The following CLEC19A variants were observed in gnomAD, a reference collection of about 807,000 sequenced individuals.
CLEC19A encodes the protein C-type lectin domain containing 19A.
Under a neutral mutation model 26.1 loss-of-function variants are expected in CLEC19A, and 21 were observed. The ratio of observed to expected loss-of-function variants is 0.80; its 90% CI spans 0.57 to 1.16. CLEC19A has a LOEUF of 1.16. Ranked by LOEUF, CLEC19A falls within the 50% of genes most tolerant of loss-of-function variation. The pLI, the probability that CLEC19A is intolerant of heterozygous loss-of-function variation, is 0.00. For missense variants in CLEC19A, 224 were observed against 227.6 expected (o/e 0.98, Z 0.10); for synonymous variants, 89 against 88.6 (o/e 1.00, Z -0.03).
chr16:19,300,241 T>C (rs1449417876), intron 2 of CLEC19A, among the ~76,000 whole-genome samples: 1 of 150,470 alleles, frequency 6.6e-6, no homozygotes, highest in Non-Finnish European at 1.5e-5. Flanking sequence ...AATAAATAAA[T>C]AAATAAATAA....
At position 19,303,041 on chromosome 16, in the gene CLEC19A, G is replaced by T. The variant is rs534171772; in HGVS notation, c.255-1021G>T. Reference sequence around the variant, plus strand: ...GGGAAAATAAAATTTGGCTTTTCTGGGTCATAATGAAGGCAATGGGGTAAG... The same window carrying T: ...GGGAAAATAAAATTTGGCTTTTCTGTGTCATAATGAAGGCAATGGGGTAAG... On this transcript the variant is annotated intron_variant, in intron 2 of 4. Coordinates refer to ENST00000636231, the MANE Select transcript of CLEC19A (RefSeq NM_001256720.2). Among the ~76,000 whole-genome samples the T allele has an allele frequency of 3.3e-5, 5 of 152,222 alleles. No homozygotes were observed. In the East Asian group the frequency reaches 9.6e-4, roughly 29 times the overall value.
chr16:19,293,597 G>T (rs1393122700), intron 1 of CLEC19A, among the ~76,000 whole-genome samples: 1 of 151,910 alleles, frequency 6.6e-6, no homozygotes, highest in African/African-American at 2.4e-5. Flanking sequence ...CAAGTAGCTG[G>T]GACTACAAGC....
At chr16:19,293,421 C>T (rs1897632415) in intron 1 of CLEC19A, among the ~76,000 whole-genome samples, 1 of 151,882 alleles carries the variant, frequency 6.6e-6, no homozygotes, top group Admixed American at 6.6e-5. Flanking sequence ...TATACAGGAA[C>T]TCTCTCCACA....
At chr16:19,297,266 G>A (rs141626051) in intron 1 of CLEC19A, among the ~76,000 whole-genome samples, 1 of 152,350 alleles carries the variant, frequency 6.6e-6, no homozygotes, top group African/African-American at 2.4e-5. Flanking sequence ...CAATAAACAT[G>A]TGGGAAAATG....
rs1171248968 is a variant in CLEC19A, at chr16:19,301,736, G to GTTTTTTTTTTTTTTTTTTTTTTTTTTTT, written c.255-2325_255-2298dup. Among the ~76,000 whole-genome samples, 9 of 81,490 alleles carry GTTTTTTTTTTTTTTTTTTTTTTTTTTTT rather than the reference G, an allele frequency of 1.1e-4. 1 individual carries two copies. Among genetic ancestry groups the GTTTTTTTTTTTTTTTTTTTTTTTTTTTT allele is most frequent in the African/African-American group, 3.3e-4 (7 of 20,924 alleles). 53.5% of individuals were successfully genotyped at this position (81,490 alleles called of 152,430 possible). A position where few individuals can be genotyped will look rare whatever the true frequency, so the allele number is the denominator to read the frequency against. On this transcript the variant is annotated intron_variant, in intron 2 of 4. Coordinates refer to ENST00000636231, the MANE Select transcript of CLEC19A (RefSeq NM_001256720.2). The stretch of plus-strand genomic sequence containing the variant: ...ATGACACCATGCCCAGGTTTTTTTG[G>GTTTTTTTTTTTTTTTTTTTTTTTTTTTT]TTTTTTTTTTTTTTTTTTTTTTTTT...
At chr16:19,302,692 C>T (rs560407151) in intron 2 of CLEC19A, among the ~76,000 whole-genome samples, 7 of 152,240 alleles carry the variant, frequency 4.6e-5, no homozygotes, top group Middle Eastern at 3.4e-3. Flanking sequence ...GAGGTGTGCC[C>T]ACCATTTGTC....
chr16:19,292,975 A>G (rs1897621437), intron 1 of CLEC19A, among the ~76,000 whole-genome samples: 1 of 152,194 alleles, frequency 6.6e-6, no homozygotes, highest in Admixed American at 6.5e-5. Context: ...GAGGTGAGAC[A>G]AAGCAGGAAG....
intron 1 of CLEC19A, among the ~76,000 whole-genome samples, chr16:19,289,002 T>C (rs1316892803): frequency 1.3e-5 from 2 of 152,174 alleles, no homozygotes; most frequent in Non-Finnish European, 1.5e-5. Context: ...TACTAGAGTC[T>C]CTACCTCTGA....
intron 4 of CLEC19A, 57 bp downstream of exon 4, chr16:19,307,734 G>C (rs1485047188): frequency 1.3e-6 from 2 of 1,540,980 alleles, no homozygotes; most frequent in African/African-American, 2.7e-5. Context: ...GTCACAGGTG[G>C]GGAGAGCGGA....
Position 19,293,354 on chromosome 16 carries a change from C to T in CLEC19A, c.89-5319C>T, listed in dbSNP as rs149418789. ...TGGAGTTTAGGTAATCATGTTGTAG[C>T]CATGTTCATTTCTTAGCTTTTTAAT... On this transcript the variant is annotated intron_variant, in intron 1 of 4. Transcript: ENST00000636231. 6.5e-3 allele frequency among the ~76,000 whole-genome samples: 988 copies of T among 152,284 alleles called. 14 individuals are homozygous for T. The highest frequency in any genetic ancestry group is 0.023 in the African/African-American group (939 of 41,550).
At position 19,304,014 on chromosome 16, in the gene CLEC19A, TG is replaced by T. The variant is rs368454507; in HGVS notation, c.255-47del. 1,254 of 1,460,162 alleles carry T rather than the reference TG, an allele frequency of 8.6e-4. 13 individuals carry two copies. The African/African-American group carries it at 0.015, about 17-fold the overall frequency. The allele number at this position is 1,460,162 out of a possible 1,614,324, so 90.5% of individuals were successfully genotyped here. ...GCTTTCAATTTTTGACTCCATCCTA[TG>T]AAAAGAGGCCATGAGGAATCAGCTA... On this transcript the variant is annotated intron_variant, in intron 2 of 4. Transcript: ENST00000636231.
intron 1 of CLEC19A, among the ~76,000 whole-genome samples, chr16:19,297,902 G>T (rs989064177): frequency 6.6e-6 from 1 of 152,042 alleles, no homozygotes; most frequent in Non-Finnish European, 1.5e-5. Context: ...TGGACCTCAA[G>T]CATAGAATTG....
At chr16:19,291,356 A>C (rs946024009) in intron 1 of CLEC19A, among the ~76,000 whole-genome samples, 2 of 152,254 alleles carry the variant, frequency 1.3e-5, no homozygotes, top group African/African-American at 4.8e-5. Flanking sequence ...TAAATGCAGT[A>C]GGACTCTCTA....
At chr16:19,293,747 C>A (rs1388245425) in intron 1 of CLEC19A, among the ~76,000 whole-genome samples, 1 of 133,198 alleles carries the variant, frequency 7.5e-6, no homozygotes, top group Non-Finnish European at 1.6e-5. Flanking sequence ...TGAGCCGCTG[C>A]GACCAGCCTA....
At chr16:19,289,476 C>G (rs1222730933) in intron 1 of CLEC19A, among the ~76,000 whole-genome samples, 2 of 152,182 alleles carry the variant, frequency 1.3e-5, no homozygotes, top group Non-Finnish European at 2.9e-5. Flanking sequence ...AGGCGCTAGT[C>G]TGTTCAGGAG....
chr16:19,307,901 T>C (rs2143011459), intron 4 of CLEC19A, among the ~76,000 whole-genome samples: 1 of 152,260 alleles, frequency 6.6e-6, no homozygotes, highest in Non-Finnish European at 1.5e-5. Context: ...GGTTGACACA[T>C]AAACTCCAAC....
At chr16:19,302,459 A>G (rs751984494) in intron 2 of CLEC19A, among the ~76,000 whole-genome samples, 3 of 152,176 alleles carry the variant, frequency 2.0e-5, no homozygotes, top group Non-Finnish European at 4.4e-5. Flanking sequence ...TTTGAAGTGA[A>G]TTATTGAAGC....
intron 1 of CLEC19A, among the ~76,000 whole-genome samples, chr16:19,294,315 AG>A (rs752201692): frequency 1.3e-5 from 2 of 152,258 alleles, no homozygotes; most frequent in South Asian, 2.1e-4. Flanking sequence ...TAAGGAAGTG[AG>A]GGGGGGTGCC....
At chr16:19,292,005 A>G (rs1045597861) in intron 1 of CLEC19A, among the ~76,000 whole-genome samples, 1 of 152,140 alleles carries the variant, frequency 6.6e-6, no homozygotes, top group Non-Finnish European at 1.5e-5. Context: ...CTCTGGGAGG[A>G]GCAGACAGGG....
Sources: allele counts gnomAD v4.1 joint callset (sites outside exome capture counted in the v4.1 genomes callset), GRCh38; gene constraint gnomAD v4.1.1; transcripts MANE v1.5; gene names NCBI Gene and HGNC (gene_info 2026-07-23, HGNC 2026-07-21).